Variants in USH2A observed in about 807,000 individuals in gnomAD.
USH2A encodes the protein usherin, also known as Usher syndrome 2A (autosomal recessive, mild).
USH2A carries 443 observed loss-of-function variants against 538.9 expected under a neutral mutation model. The ratio of observed to expected loss-of-function variants is 0.82; its 90% confidence interval spans 0.76 to 0.89. The LOEUF (loss-of-function observed/expected upper bound fraction) is 0.89. Ranked by LOEUF, USH2A falls within the 40% of genes least tolerant of loss-of-function variation. USH2A has a pLI of 0.00. For missense variants in USH2A, 6,633 were observed against 6,324.8 expected (o/e 1.05, Z -1.65); for synonymous variants, 2,413 against 2,273.5 (o/e 1.06, Z -1.75).
In USH2A at chr1:216,345,175, C is replaced by T. The variant is rs371280456; in HGVS notation, c.785-17521G>A. ...GCCAATGCTTTTCTTTCTTTCTCTCCTTTCCCTTTCTTACCTTTTCTCTTA... is the reference window on the plus strand; with the variant it reads ...GCCAATGCTTTTCTTTCTTTCTCTCTTTTCCCTTTCTTACCTTTTCTCTTA... On this transcript the variant is annotated intron_variant, in intron 4 of 71. Transcript: ENST00000307340. Among the ~76,000 whole-genome samples, 15 of 152,122 alleles carry T rather than the reference C, an allele frequency of 9.9e-5. 1 individual carries two copies. The highest frequency in any genetic ancestry group is 3.9e-4 in the Admixed American group (6 of 15,254).
intron 64 of USH2A, among the ~76,000 whole-genome samples, chr1:215,660,152 T>G (rs748900654): frequency 1.4e-4 from 22 of 152,226 alleles, no homozygotes; most frequent in Non-Finnish European, 5.9e-5. Context: ...AGGTTCGAAT[T>G]TGAGTCCTTC....
At chr1:215,756,348 G>A (rs1660793033) in intron 58 of USH2A, among the ~76,000 whole-genome samples, 2 of 152,144 alleles carry the variant, frequency 1.3e-5, no homozygotes, top group Non-Finnish European at 2.9e-5. Flanking sequence ...GAAGTCTTCA[G>A]ATTAGCAATG....
chr1:215,896,445 G>A (rs1175018543), intron 40 of USH2A, among the ~76,000 whole-genome samples: 1 of 151,832 alleles, frequency 6.6e-6, no homozygotes, highest in Non-Finnish European at 1.5e-5. Context: ...CTTATTTCCT[G>A]GGAAATCTTA....
intron 32 of USH2A, among the ~76,000 whole-genome samples, chr1:216,020,215 T>C (rs1395004345): frequency 6.6e-6 from 1 of 152,220 alleles, no homozygotes; most frequent in Non-Finnish European, 1.5e-5. Flanking sequence ...ATGGTTACTT[T>C]TGTGTGACAA....
chr1:216,179,261 C>A (rs1185433899), intron 20 of USH2A, among the ~76,000 whole-genome samples: 2 of 152,074 alleles, frequency 1.3e-5, no homozygotes, highest in African/African-American at 4.8e-5. Flanking sequence ...ATTCTGGCAA[C>A]TCTGTCGTTT....
At chr1:216,249,576 G>A (rs937077647) in intron 12 of USH2A, among the ~76,000 whole-genome samples, 3 of 152,042 alleles carry the variant, frequency 2.0e-5, no homozygotes, top group African/African-American at 7.2e-5. Context: ...CTCTTTACAC[G>A]TTATTCTTTC....
chr1:215,706,943 A>G (rs940119218), intron 61 of USH2A, among the ~76,000 whole-genome samples: 3 of 152,228 alleles, frequency 2.0e-5, no homozygotes, highest in Non-Finnish European at 4.4e-5. Flanking sequence ...ATTACACCTT[A>G]AGAGAAAATG....
chr1:216,175,130 A>T, intron 21 of USH2A, 122 bp downstream of exon 21: 1 of 1,523,912 alleles, frequency 6.6e-7, no homozygotes, highest in Non-Finnish European at 8.8e-7. Flanking sequence ...AAGCTATCAA[A>T]GGGCTGAATT....
In USH2A at chr1:215,754,615, A is replaced by G. The variant is rs1223418702; in HGVS notation, c.11389+3980T>C. On this transcript the variant is annotated intron_variant, in intron 58 of 71. Coordinates refer to ENST00000307340, the MANE Select transcript of USH2A (RefSeq NM_206933.4). ...GGCTTCCCTGGGCCACAATGAAAGA[A>G]GATTAATTGTCTTGGGCCACATATA... is the stretch of plus-strand genomic sequence containing the variant. 2.0e-5 allele frequency among the ~76,000 whole-genome samples: 3 copies of G among 152,200 alleles called. No homozygotes were observed. In the East Asian group the frequency reaches 5.8e-4, roughly 29 times the overall value.
chr1:215,849,764 T>A (rs1663968904), intron 44 of USH2A, among the ~76,000 whole-genome samples: 1 of 152,186 alleles, frequency 6.6e-6, no homozygotes, highest in African/African-American at 2.4e-5. Flanking sequence ...TTCAAACTTC[T>A]TATGTGGAAT....
intron 37 of USH2A, among the ~76,000 whole-genome samples, chr1:215,955,312 A>T (rs1186528967): frequency 6.6e-6 from 1 of 152,208 alleles, no homozygotes; most frequent in African/African-American, 2.4e-5. Context: ...AGGAATAAAT[A>T]TCCCAGAAAC....
At chr1:215,827,295 G>A (rs1663181896) in intron 47 of USH2A, among the ~76,000 whole-genome samples, 2 of 152,114 alleles carry the variant, frequency 1.3e-5, no homozygotes, top group African/African-American at 2.4e-5. Context: ...GGGACAAAGT[G>A]GCAGTTGAGG....
intron 64 of USH2A, among the ~76,000 whole-genome samples, chr1:215,655,725 CTTTTTTTTTTTT>C (rs766225635): frequency 1.7e-4 from 16 of 96,192 alleles, no homozygotes; most frequent in South Asian, 4.5e-4. Context: ...GCTAGTTATT[CTTTTTTTTTTTT>C]TTTTTTTTTT....
Position 215,780,024 on chromosome 1 carries a change from G to T in USH2A, c.10758C>A (p.Thr3586=), listed in dbSNP as rs780888992. 14 of 1,613,924 alleles carry T rather than the reference G, an allele frequency of 8.7e-6. No homozygotes were observed. Among genetic ancestry groups the T allele is most frequent in the Non-Finnish European group, 1.2e-5 (14 of 1,180,014 alleles). Residue 3586 remains threonine (T), a synonymous_variant, in exon 55 of 72, where the codon ACC becomes ACA. Transcript: ENST00000307340. ...ATSSKVVAAT[T]QGVPESILPP... is the part of the protein sequence containing the mutation. The stretch of plus-strand genomic sequence containing the variant: ...GCAGGATGCTCTCCGGAACTCCTTG[G>T]GTAGTAGCTGCAACTACCTGAAGAC...
At chr1:216,242,730 G>C (rs1346193420) in intron 13 of USH2A, among the ~76,000 whole-genome samples, 1 of 151,970 alleles carries the variant, frequency 6.6e-6, no homozygotes, top group Admixed American at 6.6e-5. Flanking sequence ...ACTAAACACT[G>C]ATATAAAAGT....
At chr1:216,061,173 T>C (rs1239310818) in intron 30 of USH2A, among the ~76,000 whole-genome samples, 1 of 152,190 alleles carries the variant, frequency 6.6e-6, no homozygotes, top group East Asian at 1.9e-4. Context: ...GGGATTTATC[T>C]CATTTAATCC....
At chr1:216,266,527 T>G (rs2036476199) in intron 11 of USH2A, among the ~76,000 whole-genome samples, 1 of 152,094 alleles carries the variant, frequency 6.6e-6, no homozygotes, top group African/African-American at 2.4e-5. Flanking sequence ...TTCAAAACTT[T>G]AACTTCCTAT....
chr1:215,830,152 T>C (rs2102808498), intron 47 of USH2A, among the ~76,000 whole-genome samples: 1 of 152,308 alleles, frequency 6.6e-6, no homozygotes, highest in East Asian at 1.9e-4. Context: ...AAGGGCAGTA[T>C]CAGTGTGAAA....
intron 32 of USH2A, among the ~76,000 whole-genome samples, chr1:216,040,195 T>C (rs929487140): frequency 6.6e-6 from 1 of 152,054 alleles, no homozygotes; most frequent in Admixed American, 6.6e-5. Flanking sequence ...TCTATGGTTC[T>C]AGATATCAGT....
Sources: allele counts gnomAD v4.1 joint callset (sites outside exome capture counted in the v4.1 genomes callset), GRCh38; gene constraint gnomAD v4.1.1; transcripts MANE v1.5; gene names NCBI Gene and HGNC (gene_info 2026-07-23, HGNC 2026-07-21).